The following PTPRM variants were observed in gnomAD, a reference collection of about 807,000 sequenced individuals.
PTPRM encodes the protein receptor-type tyrosine-protein phosphatase mu.
PTPRM carries 47 observed loss-of-function variants against 186.7 expected under a neutral mutation model. The observed-to-expected ratio is 0.25, with a 90% CI of 0.20 to 0.32. PTPRM has a LOEUF of 0.32. PTPRM is among the 10% of genes least tolerant of loss of function. PTPRM has a pLI of 1.00. For missense variants in PTPRM, 1,494 were observed against 1,865.0 expected (o/e 0.80, Z 3.66); for synonymous variants, 668 against 674.9 (o/e 0.99, Z 0.16).
intron 23 of PTPRM, among the ~76,000 whole-genome samples, chr18:8,354,809 C>T (rs532182311): frequency 1.3e-5 from 2 of 152,258 alleles, no homozygotes; most frequent in East Asian, 3.9e-4. Flanking sequence ...AGCAGTAGAA[C>T]AGTGGCTAAG....
intron 13 of PTPRM, among the ~76,000 whole-genome samples, chr18:8,121,420 A>G (rs1230832344): frequency 6.6e-6 from 1 of 152,168 alleles, no homozygotes; most frequent in Non-Finnish European, 1.5e-5. Flanking sequence ...GTATCATGTT[A>G]GAACTGATGT....
At chr18:7,777,517 G>A (rs1025822957) in intron 2 of PTPRM, among the ~76,000 whole-genome samples, 7 of 152,182 alleles carry the variant, frequency 4.6e-5, no homozygotes, top group African/African-American at 1.7e-4. Flanking sequence ...AGATATTTAT[G>A]CCCTGGCCCT....
intron 14 of PTPRM, among the ~76,000 whole-genome samples, chr18:8,174,405 C>T (rs2093451043): frequency 6.6e-6 from 1 of 152,150 alleles, no homozygotes; most frequent in Admixed American, 6.5e-5. Context: ...TCATAGTTTC[C>T]TCACTGTTAT....
At chr18:8,240,806 GAGAGAGAGAGAGAGAGAGAGAAAGAA>G (rs1405590506) in intron 14 of PTPRM, among the ~76,000 whole-genome samples, 1,412 of 55,586 alleles carry the variant, frequency 0.025, 56 homozygotes, top group African/African-American at 0.089. Context: ...GAGAGAGAGA[GAGAGAGAGAGAGAGAGAGAGAAAGAA>G]AGAAAGAAAG....
At chr18:7,676,815 A>G (rs1422903147) in intron 1 of PTPRM, among the ~76,000 whole-genome samples, 1 of 152,230 alleles carries the variant, frequency 6.6e-6, no homozygotes, top group African/African-American at 2.4e-5. Context: ...AACTGGAACA[A>G]TATAACAGAT....
In PTPRM at chr18:7,955,270, C is replaced by T. The variant is rs1479369922; in HGVS notation, c.988C>T (p.Arg330Trp). The change falls in exon 7 of 33, where the codon CGG becomes TGG. Residue 330 changes from arginine (R) to tryptophan (W), a missense_variant. Around this residue, in one of 3 missense-constraint regions of PTPRM, gnomAD observed 91 missense variants for 169.3 expected, o/e 0.54. Transcript: ENST00000580170. ...CACGGCCAGTGGGAGCTGGAATGAC[C>T]GGCAGCCAGTCGATTCCACGAGCTA... ...YCTASGSWND[R>W]QPVDSTSYKI... The T allele has an allele frequency of 3.7e-6, 6 of 1,614,016 alleles. No individual in the cohort carries two copies. The highest frequency in any genetic ancestry group is 2.2e-5 in the East Asian group (1 of 44,856).
At chr18:7,707,923 G>A (rs1314449255) in intron 1 of PTPRM, among the ~76,000 whole-genome samples, 1 of 152,164 alleles carries the variant, frequency 6.6e-6, no homozygotes, top group Non-Finnish European at 1.5e-5. Flanking sequence ...TCATTTCTGT[G>A]TGCAGACACA....
At chr18:7,808,039 G>A (rs938459525) in intron 2 of PTPRM, among the ~76,000 whole-genome samples, 30 of 152,070 alleles carry the variant, frequency 2.0e-4, no homozygotes, top group Admixed American at 1.9e-3. Flanking sequence ...GTGTCCCTGC[G>A]TCTTATGCAT....
chr18:7,596,924 G>T (rs2037278278), intron 1 of PTPRM, among the ~76,000 whole-genome samples: 1 of 151,612 alleles, frequency 6.6e-6, no homozygotes, highest in Non-Finnish European at 1.5e-5. Context: ...CACAATTTCG[G>T]CTCACTGCAA....
In PTPRM at chr18:7,568,346, C is replaced by A. The variant is rs930229336; in HGVS notation, c.73+455C>A. On this transcript the variant is annotated intron_variant, in intron 1 of 32. Transcript: ENST00000580170. This position sits in a 1 kb window ranked among gnomAD's most constrained non-coding sequence, Gnocchi z 5.1. Reference sequence around the variant, plus strand: ...GGCCCAGGCCGCTGGTGTTCGGCTGCGCCCGCAGCGATCGCCGGGAACTGG... The same window carrying A: ...GGCCCAGGCCGCTGGTGTTCGGCTGAGCCCGCAGCGATCGCCGGGAACTGG... 6.6e-6 allele frequency among the ~76,000 whole-genome samples: 1 copy of A among 151,832 alleles called. No individual in the cohort carries two copies. The highest frequency in any genetic ancestry group is 1.9e-4 in the East Asian group (1 of 5,134).
chr18:8,247,992 A>G lies in PTPRM; in HGVS notation c.2527+73A>G. On this transcript the variant is annotated intron_variant, in intron 16 of 32. Coordinates refer to ENST00000580170, the MANE Select transcript of PTPRM (RefSeq NM_001105244.2). ...AGAATCACTCCGCCCTCTCTCTGCT[A>G]TCCCTGGTGCTTGAGGGGCTTACTG... 5.0e-6 allele frequency: 7 copies of G among 1,407,928 alleles called. No homozygotes were observed. In the South Asian group the frequency reaches 5.8e-5, roughly 12 times the overall value. 87.2% of individuals were successfully genotyped at this position (1,407,928 alleles called of 1,614,324 possible).
chr18:8,209,086 G>C (rs2093967750), intron 14 of PTPRM, among the ~76,000 whole-genome samples: 2 of 152,322 alleles, frequency 1.3e-5, no homozygotes, highest in Middle Eastern at 6.8e-3. Context: ...TATTCTGAAT[G>C]CAATGGAGTC....
chr18:8,063,317 T>C (rs369778244), intron 7 of PTPRM, among the ~76,000 whole-genome samples: 5,918 of 141,786 alleles, frequency 0.042, 28 homozygotes, highest in Non-Finnish European at 0.058. Flanking sequence ...TGCTTCGGCT[T>C]GCGCACACCC....
At chr18:8,240,393 A>G (rs978479751) in intron 14 of PTPRM, among the ~76,000 whole-genome samples, 3 of 145,826 alleles carry the variant, frequency 2.1e-5, no homozygotes, top group Admixed American at 7.1e-5. Flanking sequence ...CCGAGATCGC[A>G]CCACTGCACT....
chr18:7,834,823 C>T (rs895922837), intron 2 of PTPRM, among the ~76,000 whole-genome samples: 1 of 151,826 alleles, frequency 6.6e-6, no homozygotes, highest in Non-Finnish European at 1.5e-5. Flanking sequence ...TGAATTTCTT[C>T]GTGGTTCAAT....
At chr18:7,604,287 G>A (rs1031758519) in intron 1 of PTPRM, among the ~76,000 whole-genome samples, 3 of 152,180 alleles carry the variant, frequency 2.0e-5, no homozygotes, top group Admixed American at 6.5e-5. Flanking sequence ...GAGACACAGC[G>A]GCTGCCTGGC....
At chr18:8,195,646 T>C (rs2093767956) in intron 14 of PTPRM, among the ~76,000 whole-genome samples, 1 of 152,156 alleles carries the variant, frequency 6.6e-6, no homozygotes, top group Admixed American at 6.5e-5. Flanking sequence ...ACACAAAAAG[T>C]CAAATACCAC....
chr18:8,002,210 A>T (rs1258067995), intron 7 of PTPRM, among the ~76,000 whole-genome samples: 1 of 152,198 alleles, frequency 6.6e-6, no homozygotes, highest in Non-Finnish European at 1.5e-5. Context: ...GAATAGATGC[A>T]TATATGCATA....
chr18:8,295,347 G>A lies in PTPRM; in HGVS notation c.2755-1021G>A, dbSNP rs114066353. On this transcript the variant is annotated intron_variant, in intron 19 of 32. Transcript: ENST00000580170. ...TGTAAATGGTGGAAATGGCCAAGAC[G>A]GCTGAACACCACAGGTGAGATGGAG... is the stretch of plus-strand genomic sequence containing the variant. Among the ~76,000 whole-genome samples, 596 of 152,240 alleles carry A rather than the reference G, an allele frequency of 3.9e-3. 4 individuals are homozygous for A. The highest frequency in any genetic ancestry group is 0.014 in the African/African-American group (567 of 41,552).
Sources: allele counts gnomAD v4.1 joint callset (sites outside exome capture counted in the v4.1 genomes callset), GRCh38; gene constraint gnomAD v4.1.1; regional missense constraint gnomAD v4.1.1; non-coding constraint Gnocchi (gnomAD v3.1); transcripts MANE v1.5; gene names NCBI Gene and HGNC (gene_info 2026-07-23, HGNC 2026-07-21).